Variants in RRAGD observed in about 807,000 individuals in gnomAD.
RRAGD encodes the protein Ras related GTP binding D.
Under a neutral mutation model 35.5 loss-of-function variants are expected in RRAGD, and 12 were observed. That is an observed-to-expected ratio of 0.34 (90% CI 0.22 to 0.55). The LOEUF (loss-of-function observed/expected upper bound fraction) is 0.55, where lower values mean the gene tolerates loss of function less well. RRAGD is among the 20% of genes least tolerant of loss of function. The probability of loss-of-function intolerance (pLI) is 0.91; values close to 1 mark genes in which losing one functional copy is unlikely to be tolerated. For synonymous variants in RRAGD, 155 were observed against 178.9 expected, an observed-to-expected ratio of 0.87 and a Z score of 1.07; for missense variants, 324 against 490.1, an observed-to-expected ratio of 0.66 and a Z score of 3.20.
chr6:89,411,726 T>A lies in RRAGD; in HGVS notation c.148+120A>T. 43 of 1,051,088 alleles carry A rather than the reference T, an allele frequency of 4.1e-5. No homozygotes were observed. Among genetic ancestry groups the A allele is most frequent in the East Asian group, 1.6e-4 (5 of 31,404 alleles). The allele number at this position is 1,051,088 out of a possible 1,614,324, so 65.1% of individuals were successfully genotyped here. On this transcript the variant is annotated intron_variant, in intron 1 of 6. Transcript: ENST00000369415. This position sits in a 1 kb window ranked among gnomAD's most constrained non-coding sequence, Gnocchi z 5.6. Reference sequence around the variant, plus strand: ...TCCCTCCCCACCCCAAACCCTCAACTGGACCCGCTCCCCTGGACCCCCTCC... The same window carrying A: ...TCCCTCCCCACCCCAAACCCTCAACAGGACCCGCTCCCCTGGACCCCCTCC...
chr6:89,384,176 T>TG (rs1769098506), intron 2 of RRAGD, among the ~76,000 whole-genome samples: 1 of 152,152 alleles, frequency 6.6e-6, no homozygotes, highest in African/African-American at 2.4e-5. Context: ...TTGATTTTCC[T>TG]GTCAGTGCTT....
At chr6:89,383,647 G>A (rs1394506915) in intron 2 of RRAGD, among the ~76,000 whole-genome samples, 2 of 152,100 alleles carry the variant, frequency 1.3e-5, no homozygotes, top group Non-Finnish European at 2.9e-5. Flanking sequence ...GGGGAGCGGG[G>A]CTGGGGTGTC....
chr6:89,391,956 C>CAAAAAAAAAAA (rs5878093), intron 1 of RRAGD, among the ~76,000 whole-genome samples: 1 of 99,162 alleles, frequency 1.0e-5, no homozygotes, highest in African/African-American at 3.8e-5. Context: ...GACCCTATCT[C>CAAAAAAAAAAA]AAAAAAAAAA....
At chr6:89,378,967 T>A (rs1768995810) in intron 4 of RRAGD, among the ~76,000 whole-genome samples, 1 of 152,226 alleles carries the variant, frequency 6.6e-6, no homozygotes. Flanking sequence ...TCTCACTATG[T>A]TACCTAAACT....
At chr6:89,394,312 A>T (rs1040343305) in intron 1 of RRAGD, among the ~76,000 whole-genome samples, 7 of 152,172 alleles carry the variant, frequency 4.6e-5, no homozygotes, top group African/African-American at 1.2e-4. Flanking sequence ...AAATTTTTTA[A>T]ATCAAGGATA....
chr6:89,372,339 G>A (rs1582503127), intron 6 of RRAGD, 98 bp downstream of exon 6: 2 of 1,311,128 alleles, frequency 1.5e-6, no homozygotes, highest in East Asian at 2.7e-5. Flanking sequence ...GAAGTTTCGA[G>A]GGCTATGCTG....
At chr6:89,377,452 T>A (rs1033190870) in intron 5 of RRAGD, among the ~76,000 whole-genome samples, 1 of 152,136 alleles carries the variant, frequency 6.6e-6, no homozygotes, top group African/African-American at 2.4e-5. Flanking sequence ...TGCTAAAAAA[T>A]TGAAATAAAT....
intron 6 of RRAGD, among the ~76,000 whole-genome samples, chr6:89,369,596 G>C (rs903461680): frequency 5.3e-5 from 8 of 152,074 alleles, no homozygotes; most frequent in African/African-American, 1.7e-4. Context: ...CTAGAGATGA[G>C]GTCTCACTAT....
At chr6:89,368,323 A>C (rs1222666895) in intron 6 of RRAGD, 116 bp from the exon 7 acceptor site, 1 of 800,072 alleles carries the variant, frequency 1.2e-6, no homozygotes, top group East Asian at 2.7e-5. Context: ...TCTTAGCGTA[A>C]GGACCAGAGA....
Position 89,411,539 on chromosome 6 carries a change from G to A in RRAGD, c.148+307C>T. 2.6e-6 allele frequency: 1 copy of A among 377,360 alleles called. No individual in the cohort carries two copies. Among genetic ancestry groups the A allele is most frequent in the Non-Finnish European group, 4.9e-6 (1 of 205,106 alleles). 23.4% of individuals were successfully genotyped at this position (377,360 alleles called of 1,614,324 possible). On this transcript the variant is annotated intron_variant, in intron 1 of 6. Coordinates refer to ENST00000369415, the MANE Select transcript of RRAGD (RefSeq NM_021244.5). This position sits in a 1 kb window ranked among gnomAD's most constrained non-coding sequence, Gnocchi z 5.6. ...CCGCCAGACGCTGCGGAGAGCTTGG[G>A]GTGAGGGGCGCGGGAGGCACCGGCT...
chr6:89,401,928 C>T (rs1171748852), intron 1 of RRAGD, among the ~76,000 whole-genome samples: 2 of 150,994 alleles, frequency 1.3e-5, no homozygotes, highest in African/African-American at 4.9e-5. Context: ...GGCATGAGTT[C>T]AATACATATC....
chr6:89,412,250 G>A lies in RRAGD; in HGVS notation c.-257C>T, dbSNP rs1277025602. On this transcript the variant is annotated 5_prime_UTR_variant, in exon 1 of 7. Transcript: ENST00000369415. This position sits in a 1 kb window ranked among gnomAD's most constrained non-coding sequence, Gnocchi z 4.2. ...CAGCCGGAGCGCGGCAGTTCCTCCC[G>A]GAGGAGGGAGAGAGAGAGAGACTGC... is the stretch of plus-strand genomic sequence containing the variant. 1.3e-5 allele frequency: 3 copies of A among 231,214 alleles called. No homozygotes were observed. Among genetic ancestry groups the A allele is most frequent in the Non-Finnish European group, 2.3e-5 (3 of 131,172 alleles). The allele number at this position is 231,214 out of a possible 1,614,324, so 14.3% of individuals were successfully genotyped here. A position where few individuals can be genotyped will look rare whatever the true frequency, so the allele number is the denominator to read the frequency against.
chr6:89,387,549 T>C lies in RRAGD; in HGVS notation c.190A>G (p.Arg64Gly). ...SDPFSTEVKP[R>G]ILLMGLRRSG... ...CTCCTCAGGCCCATGAGCAGGATTC[T>C]CGGCTTCACTTCAGTGCTGAAGGGG... Residue 64 changes from arginine to glycine, a missense_variant, in exon 2 of 7, where the codon AGA becomes GGA. This residue lies in a region of RRAGD where 7 missense variants were observed against 16.5 expected (regional missense o/e 0.42). Coordinates refer to ENST00000369415, the MANE Select transcript of RRAGD (RefSeq NM_021244.5). 6.2e-7 allele frequency: 1 copy of C among 1,614,168 alleles called. No homozygotes were observed. The highest frequency in any genetic ancestry group is 8.5e-7 in the Non-Finnish European group (1 of 1,180,032).
intron 1 of RRAGD, among the ~76,000 whole-genome samples, chr6:89,400,175 C>T (rs1769430182): frequency 6.6e-6 from 1 of 152,132 alleles, no homozygotes; most frequent in South Asian, 2.1e-4. Flanking sequence ...CTCTTCAAAT[C>T]CTTAAGTCAG....
intron 6 of RRAGD, among the ~76,000 whole-genome samples, chr6:89,370,194 T>A (rs779668850): frequency 2.0e-5 from 3 of 152,194 alleles, no homozygotes; most frequent in Non-Finnish European, 4.4e-5. Flanking sequence ...TGTATTCCTG[T>A]CTATCTTTAA....
Position 89,365,798 on chromosome 6 carries a change from G to C in RRAGD, c.*2258C>G, listed in dbSNP as rs1198717111. On this transcript the variant is annotated 3_prime_UTR_variant, in exon 7 of 7. Transcript: ENST00000369415. Reference sequence around the variant, plus strand: ...ACATGGAAGCTCCAACCTGGTTATAGTAATAAATATACCTAAGTAATGTGT... The same window carrying C: ...ACATGGAAGCTCCAACCTGGTTATACTAATAAATATACCTAAGTAATGTGT... The C allele has an allele frequency of 6.6e-6, 1 of 152,206 alleles. No individual in the cohort carries two copies. The highest frequency in any genetic ancestry group is 1.5e-5 in the Non-Finnish European group (1 of 68,032). The allele number at this position is 152,206 out of a possible 1,614,324, so 9.4% of individuals were successfully genotyped here.
At chr6:89,401,157 GGTT>G (rs1478114404) in intron 1 of RRAGD, among the ~76,000 whole-genome samples, 1 of 152,180 alleles carries the variant, frequency 6.6e-6, no homozygotes, top group Non-Finnish European at 1.5e-5. Flanking sequence ...ATGAGGGAAA[GGTT>G]GTTCCAGGAA....
At chr6:89,382,949 A>C (rs1485953651) in intron 2 of RRAGD, among the ~76,000 whole-genome samples, 1 of 152,238 alleles carries the variant, frequency 6.6e-6, no homozygotes, top group Non-Finnish European at 1.5e-5. Flanking sequence ...TTAAGCATTA[A>C]AAACTAAAGG....
chr6:89,380,310 C>T lies in RRAGD; in HGVS notation c.502G>A (p.Val168Met). ...ACCTCGAAGTTGATGTCAGTATTCA[C>T]TTTGTAGGCCCTGGTCACCGTGAGG... The part of the protein sequence containing the change: ...LHLTVTRAYK[V>M]NTDINFEVFI... Residue 168 changes from valine (V) to methionine (M), a missense_variant, in exon 3 of 7, where the codon GTG becomes ATG. By Grantham distance (21) the Val-to-Met change is conservative (BLOSUM62 1). Coordinates refer to ENST00000369415, the MANE Select transcript of RRAGD (RefSeq NM_021244.5). 1 of 1,614,254 alleles carries T rather than the reference C, an allele frequency of 6.2e-7. No individual in the cohort carries two copies. Among genetic ancestry groups the T allele is most frequent in the South Asian group, 1.1e-5 (1 of 91,090 alleles).
Sources: gnomAD v4.1 joint callset for allele counts (sites outside exome capture counted in the v4.1 genomes callset) on GRCh38, gnomAD v4.1.1 for gene constraint, gnomAD v4.1.1 regional missense constraint, Gnocchi (gnomAD v3.1) non-coding constraint, MANE v1.5 for transcripts, NCBI Gene and HGNC (gene_info 2026-07-23, HGNC 2026-07-21) for gene names.